CATSPERE: variants seen among roughly 807,000 people sequenced by gnomAD.
CATSPERE encodes the protein catsper channel auxiliary subunit epsilon.
A neutral mutation model predicts 114.1 loss-of-function variants in CATSPERE; 93 were observed. The ratio of observed to expected loss-of-function variants is 0.81; its 90% CI spans 0.69 to 0.97. CATSPERE has a LOEUF of 0.97. Ranked by LOEUF, CATSPERE falls within the 50% of genes least tolerant of loss-of-function variation. The pLI is 0.00. For missense variants in CATSPERE, 1,058 were observed against 1,131.6 expected (o/e 0.93, Z 0.93); for synonymous variants, 341 against 384.1 (o/e 0.89, Z 1.31).
chr1:244,521,603 C>A (rs1267667885), intron 8 of CATSPERE, among the ~76,000 whole-genome samples: 1 of 151,930 alleles, frequency 6.6e-6, no homozygotes, highest in Non-Finnish European at 1.5e-5. Flanking sequence ...ATTTTTTTAA[C>A]CTCATATTGT....
intron 5 of CATSPERE, among the ~76,000 whole-genome samples, chr1:244,481,219 G>A (rs574194819): frequency 2.6e-5 from 4 of 152,284 alleles, no homozygotes; most frequent in African/African-American, 9.6e-5. Context: ...GGGAGGCCAG[G>A]GCAGGTGGAC....
chr1:244,489,457 T>G (rs1671603330), intron 5 of CATSPERE, among the ~76,000 whole-genome samples: 1 of 22,606 alleles, frequency 4.4e-5, no homozygotes, highest in East Asian at 2.5e-3. Flanking sequence ...CAGATTTTTT[T>G]TTTTTTTTTT....
At chr1:244,506,662 T>G (rs919043720) in intron 7 of CATSPERE, among the ~76,000 whole-genome samples, 1 of 152,190 alleles carries the variant, frequency 6.6e-6, no homozygotes, top group Non-Finnish European at 1.5e-5. Flanking sequence ...TAGATTATTT[T>G]GGGGGTATAT....
intron 2 of CATSPERE, among the ~76,000 whole-genome samples, chr1:244,465,360 G>T (rs1667452860): frequency 6.6e-6 from 1 of 152,032 alleles, no homozygotes; most frequent in African/African-American, 2.4e-5. Context: ...AAAAATATTT[G>T]CTTACCCTGA....
At chr1:244,593,882 A>G (rs1233436432) in intron 17 of CATSPERE, among the ~76,000 whole-genome samples, 2 of 152,136 alleles carry the variant, frequency 1.3e-5, no homozygotes, top group African/African-American at 4.8e-5. Context: ...ACCCCTGCCT[A>G]TTTGGTAGGA....
At chr1:244,530,531 G>A (rs1679421076) in intron 8 of CATSPERE, among the ~76,000 whole-genome samples, 2 of 152,008 alleles carry the variant, frequency 1.3e-5, no homozygotes, top group Admixed American at 6.6e-5. Context: ...AAAATTTTAG[G>A]ATTTTTTTTT....
chr1:244,625,823 A>C (rs1438359543), intron 20 of CATSPERE, among the ~76,000 whole-genome samples: 1 of 151,492 alleles, frequency 6.6e-6, no homozygotes, highest in Non-Finnish European at 1.5e-5. Context: ...TCCTGGGCTC[A>C]AGCAATCCTT....
chr1:244,578,843 T>TATATATATATAC (rs756669283), intron 11 of CATSPERE, among the ~76,000 whole-genome samples: 99 of 139,588 alleles, frequency 7.1e-4, no homozygotes, highest in East Asian at 2.5e-3. Flanking sequence ...TATATATATA[T>TATATATATATAC]ACACACACAC....
intron 4 of CATSPERE, among the ~76,000 whole-genome samples, chr1:244,478,481 A>G (rs1669719591): frequency 6.6e-6 from 1 of 152,212 alleles, no homozygotes; most frequent in Non-Finnish European, 1.5e-5. Context: ...TAGTAACAAA[A>G]TACTGGCTAC....
At chr1:244,612,153 G>A (rs1420873197) in intron 19 of CATSPERE, among the ~76,000 whole-genome samples, 1 of 152,276 alleles carries the variant, frequency 6.6e-6, no homozygotes, top group East Asian at 1.9e-4. Flanking sequence ...CTGAAAGGGT[G>A]AATTCAGTCT....
intron 8 of CATSPERE, among the ~76,000 whole-genome samples, chr1:244,526,644 C>CT: frequency 7.1e-6 from 1 of 141,832 alleles, no homozygotes; most frequent in East Asian, 2.0e-4. Context: ...TTGGCTTAGT[C>CT]TTTTTCTTTT....
chr1:244,608,022 G>A (rs1384580413), intron 18 of CATSPERE, among the ~76,000 whole-genome samples: 1 of 152,092 alleles, frequency 6.6e-6, no homozygotes, highest in African/African-American at 2.4e-5. Flanking sequence ...CAGGAGAATC[G>A]CTTGAACCCA....
At chr1:244,558,507 C>A (rs1330958931) in intron 9 of CATSPERE, among the ~76,000 whole-genome samples, 6 of 152,058 alleles carry the variant, frequency 3.9e-5, no homozygotes, top group Non-Finnish European at 7.4e-5. Flanking sequence ...TCCACTGAAA[C>A]CTTCAGCATT....
intron 6 of CATSPERE, 79 bp downstream of exon 6, chr1:244,490,550 G>T (rs377603839): frequency 1.1e-6 from 1 of 903,250 alleles, no homozygotes; most frequent in Non-Finnish European, 1.7e-6. Context: ...ATATTTACCA[G>T]ATGAGGAATT....
At chr1:244,506,392 A>T (rs1674815555) in intron 7 of CATSPERE, among the ~76,000 whole-genome samples, 1 of 152,156 alleles carries the variant, frequency 6.6e-6, no homozygotes, top group South Asian at 2.1e-4. Context: ...CTGCTTTAAA[A>T]ACTTTTGGGT....
chr1:244,518,343 T>A (rs1390418131), intron 7 of CATSPERE, among the ~76,000 whole-genome samples: 1 of 152,196 alleles, frequency 6.6e-6, no homozygotes, highest in Non-Finnish European at 1.5e-5. Context: ...TTCAGTGCAT[T>A]CAGGATTCTG....
intron 12 of CATSPERE, among the ~76,000 whole-genome samples, chr1:244,582,413 T>C (rs1478662731): frequency 1.3e-5 from 2 of 151,166 alleles, no homozygotes; most frequent in Non-Finnish European, 3.0e-5. Context: ...TTTTCTTTTT[T>C]TTTTTTTAAG....
chr1:244,475,600 G>A (rs1455258682), intron 2 of CATSPERE, among the ~76,000 whole-genome samples: 7 of 146,488 alleles, frequency 4.8e-5, no homozygotes, highest in East Asian at 2.1e-4. Context: ...GCAGTGGCGC[G>A]ATCTCAGCTC....
chr1:244,525,398 G>A (rs1413508369), intron 8 of CATSPERE, among the ~76,000 whole-genome samples: 2 of 151,608 alleles, frequency 1.3e-5, no homozygotes, highest in African/African-American at 4.8e-5. Flanking sequence ...TAGATGATGA[G>A]TTAGTGGGTA....
Sources: allele counts gnomAD v4.1 joint callset (sites outside exome capture counted in the v4.1 genomes callset), GRCh38; gene constraint gnomAD v4.1.1; transcripts MANE v1.5; gene names NCBI Gene and HGNC (gene_info 2026-07-23, HGNC 2026-07-21).